UBE2K: variants seen among roughly 807,000 people sequenced by gnomAD.
The protein encoded by UBE2K is ubiquitin conjugating enzyme E2 K.
In UBE2K, 6 loss-of-function variants were observed where a neutral mutation model predicts 30.0. The ratio of observed to expected loss-of-function variants is 0.20; its 90% CI spans 0.11 to 0.39. The LOEUF is 0.39. UBE2K is among the 10% of genes least tolerant of loss of function. The pLI is 1.00. For missense variants in UBE2K, 61 were observed against 241.6 expected, an observed-to-expected ratio of 0.25 and a Z score of 4.96; for synonymous variants, 86 against 83.7, an observed-to-expected ratio of 1.03 and a Z score of -0.15.
chr4:39,741,464 T>C (rs368591626), intron 2 of UBE2K, among the ~76,000 whole-genome samples: 2 of 152,242 alleles, frequency 1.3e-5, no homozygotes, highest in East Asian at 3.8e-4. Context: ...CTTTTTCTTT[T>C]AAATGTGACG....
intron 3 of UBE2K, among the ~76,000 whole-genome samples, chr4:39,750,699 G>A (rs901658377): frequency 5.3e-5 from 8 of 150,562 alleles, no homozygotes; most frequent in African/African-American, 2.0e-4. Flanking sequence ...GGGCCACGGA[G>A]ATAATCTTGA....
chr4:39,764,421 CTTTT>C (rs1230143832), intron 4 of UBE2K, among the ~76,000 whole-genome samples: 1 of 140,446 alleles, frequency 7.1e-6, no homozygotes, highest in Non-Finnish European at 1.6e-5. Context: ...AGCAAACTGC[CTTTT>C]TTTTTTTTTC....
At chr4:39,703,389 C>T (rs1205369606) in intron 1 of UBE2K, among the ~76,000 whole-genome samples, 1 of 151,948 alleles carries the variant, frequency 6.6e-6, no homozygotes, top group Admixed American at 6.6e-5. Context: ...TGGTATGTGC[C>T]TATAGTGGCA....
chr4:39,741,772 G>A (rs964162021), intron 2 of UBE2K, among the ~76,000 whole-genome samples: 1 of 152,024 alleles, frequency 6.6e-6, no homozygotes, highest in African/African-American at 2.4e-5. Context: ...ATTTCTTTTA[G>A]GTTTATGGAA....
chr4:39,773,921 A>T (rs1713110277), intron 4 of UBE2K, among the ~76,000 whole-genome samples: 3 of 152,022 alleles, frequency 2.0e-5, no homozygotes, highest in Admixed American at 2.0e-4. Flanking sequence ...ACTCCGCCTC[A>T]AAACTAAACT....
chr4:39,736,734 G>A (rs1720402363), intron 1 of UBE2K, among the ~76,000 whole-genome samples: 1 of 152,228 alleles, frequency 6.6e-6, no homozygotes, highest in African/African-American at 2.4e-5. Context: ...ATAAGTCAAT[G>A]TAGATAAATT....
intron 1 of UBE2K, among the ~76,000 whole-genome samples, chr4:39,715,027 T>TTA (rs1189846184): frequency 6.9e-6 from 1 of 145,774 alleles, no homozygotes; most frequent in Non-Finnish European, 1.5e-5. Flanking sequence ...CTTGGCTAAT[T>TTA]TTTTTTTTTT....
intron 1 of UBE2K, chr4:39,714,540 A>ATTTTTTTTTT (rs1316202885): frequency 4.9e-5 from 1 of 20,552 alleles, no homozygotes; most frequent in Non-Finnish European, 7.5e-5. Context: ...ATATATATAT[A>ATTTTTTTTTT]TATATATATA....
chr4:39,775,923 C>G (rs149837718), intron 5 of UBE2K, among the ~76,000 whole-genome samples: 2 of 152,018 alleles, frequency 1.3e-5, no homozygotes, highest in African/African-American at 4.8e-5. Context: ...TCTTACTCGT[C>G]TTTCTTAAAT....
chr4:39,698,497 C>T, intron 1 of UBE2K, 107 bp downstream of exon 1: 1 of 1,030,464 alleles, frequency 9.7e-7, no homozygotes, highest in Non-Finnish European at 1.5e-6. Context: ...CTCCTTGCGG[C>T]CGCCCTTCTG....
intron 2 of UBE2K, among the ~76,000 whole-genome samples, chr4:39,741,970 A>G (rs1436089251): frequency 2.0e-5 from 3 of 152,190 alleles, no homozygotes; most frequent in Non-Finnish European, 4.4e-5. Flanking sequence ...ACCCTGATCA[A>G]ATAATGCTAT....
intron 3 of UBE2K, among the ~76,000 whole-genome samples, chr4:39,752,418 G>C (rs1721316128): frequency 7.3e-6 from 1 of 137,456 alleles, no homozygotes; most frequent in African/African-American, 2.8e-5. Context: ...CTCACTGCAA[G>C]CTCCGCTTCC....
chr4:39,757,634 C>T (rs570954852), intron 4 of UBE2K, among the ~76,000 whole-genome samples: 4 of 152,214 alleles, frequency 2.6e-5, no homozygotes, highest in African/African-American at 9.6e-5. Flanking sequence ...TTTATCTTCT[C>T]TGTTACTCTT....
chr4:39,705,149 G>A (rs953401842), intron 1 of UBE2K, among the ~76,000 whole-genome samples: 11 of 147,776 alleles, frequency 7.4e-5, no homozygotes, highest in African/African-American at 2.5e-4. Context: ...TGCCGCCTCG[G>A]CCTCCCAAAG....
rs28469239 is a variant in UBE2K at position 39,725,161 on chromosome 4, G to C, written c.64-12259G>C. ...TTTGGGAGTCCAAGGCAGACAGATT[G>C]CTTTAGCCCAAGAATTTGAGATTTG... On this transcript the variant is annotated intron_variant, in intron 1 of 6. Transcript: ENST00000261427. Among the ~76,000 whole-genome samples, 893 of 152,122 alleles carry C rather than the reference G, an allele frequency of 5.9e-3. 7 individuals carry two copies. The highest frequency in any genetic ancestry group is 0.02 in the African/African-American group (848 of 41,490).
chr4:39,714,517 C>CATATATATAT (rs71645182), intron 1 of UBE2K: 7 of 41,628 alleles, frequency 1.7e-4, no homozygotes, highest in East Asian at 1.2e-3. Flanking sequence ...TTAGAAGTTT[C>CATATATATAT]ATATATATAT....
chr4:39,771,129 A>G (rs887539905), intron 4 of UBE2K: 2 of 1,612,392 alleles, frequency 1.2e-6, no homozygotes, highest in African/African-American at 2.7e-5. Flanking sequence ...TGGCTGTAAG[A>G]TAGTTGACGA....
intron 4 of UBE2K, among the ~76,000 whole-genome samples, chr4:39,757,507 C>T (rs1174805722): frequency 6.6e-6 from 1 of 151,764 alleles, no homozygotes. Flanking sequence ...TGAGTAAATC[C>T]TGTCCCTCAG....
At chr4:39,716,997 CAAAAAAAAA>C (rs71194907) in intron 1 of UBE2K, among the ~76,000 whole-genome samples, 1 of 35,074 alleles carries the variant, frequency 2.9e-5, no homozygotes, top group Non-Finnish European at 5.6e-5. Flanking sequence ...GACTCCATCT[CAAAAAAAAA>C]AAAAAAAAAA....
Sources: gnomAD v4.1 joint callset for allele counts (sites outside exome capture counted in the v4.1 genomes callset) on GRCh38, gnomAD v4.1.1 for gene constraint, MANE v1.5 for transcripts, NCBI Gene and HGNC (gene_info 2026-07-23, HGNC 2026-07-21) for gene names.